Variants in RIC1 observed in about 807,000 individuals in gnomAD.
The protein encoded by RIC1 is guanine nucleotide exchange factor subunit RIC1.
In RIC1, 88 loss-of-function variants were observed where a neutral mutation model predicts 169.0. That is an observed-to-expected ratio of 0.52 (90% CI 0.44 to 0.62). The LOEUF (loss-of-function observed/expected upper bound fraction) is 0.62. Ranked by LOEUF, RIC1 falls within the 20% of genes least tolerant of loss-of-function variation. RIC1 has a pLI of 0.00. For missense variants in RIC1, 1,877 were observed against 1,725.5 expected, an observed-to-expected ratio of 1.09 and a Z score of -1.56; for synonymous variants, 790 against 601.5, an observed-to-expected ratio of 1.31 and a Z score of -4.59.
intron 3 of RIC1, among the ~76,000 whole-genome samples, chr9:5,699,386 A>G: frequency 6.6e-6 from 1 of 152,160 alleles, no homozygotes. Flanking sequence ...TTTGGCCCCA[A>G]GCTGCTGGGA....
At chr9:5,730,781 A>G (rs573716702) in intron 6 of RIC1, among the ~76,000 whole-genome samples, 2 of 152,254 alleles carry the variant, frequency 1.3e-5, no homozygotes, top group East Asian at 3.9e-4. Flanking sequence ...AAGTTTAAAA[A>G]ATTTGAATAT....
intron 1 of RIC1, among the ~76,000 whole-genome samples, chr9:5,632,354 T>C (rs905091822): frequency 1.3e-5 from 2 of 152,228 alleles, no homozygotes; most frequent in African/African-American, 4.8e-5. Context: ...TCTCTAACTG[T>C]ACATTATATG....
Position 5,731,140 on chromosome 9 carries a change from T to G in RIC1, c.721-1248T>G, listed in dbSNP as rs916300393. Among the ~76,000 whole-genome samples, 7 of 152,172 alleles carry G rather than the reference T, an allele frequency of 4.6e-5. No homozygotes were observed. The East Asian group carries it at 5.8e-4, about 13-fold the overall frequency. On this transcript the variant is annotated intron_variant, in intron 6 of 25. Transcript: ENST00000414202. ...TAACCTCCAGTATTCAATATACTTT[T>G]TTAACTTGTCTGTCTCTTGACTCAA... is the stretch of plus-strand genomic sequence containing the variant.
chr9:5,705,489 G>A (rs2381368), intron 3 of RIC1, among the ~76,000 whole-genome samples: 41,353 of 151,964 alleles, frequency 0.27, 6,793 homozygotes, highest in East Asian at 0.61. Flanking sequence ...TGTTGATCAT[G>A]TACTACAGCT....
chr9:5,686,544 G>A (rs900279966), intron 2 of RIC1, among the ~76,000 whole-genome samples: 7 of 147,918 alleles, frequency 4.7e-5, no homozygotes, highest in South Asian at 2.1e-4. Context: ...ACCAAACACC[G>A]CATATTCTCA....
At chr9:5,727,294 T>A (rs1587038710) in intron 6 of RIC1, among the ~76,000 whole-genome samples, 1 of 152,218 alleles carries the variant, frequency 6.6e-6, no homozygotes, top group East Asian at 1.9e-4. Flanking sequence ...TCTCACTTCA[T>A]TTCATTCATT....
At chr9:5,748,496 C>T (rs766798762) in intron 12 of RIC1, 1 of 152,600 alleles carries the variant, frequency 6.6e-6, no homozygotes, top group Non-Finnish European at 1.5e-5. Flanking sequence ...AATGTACATA[C>T]CATTTTATAA....
At position 5,682,527 on chromosome 9, in the gene RIC1, G is replaced by T. The variant is rs184047930; in HGVS notation, c.253-7432G>T. ...CTTGTCGAGTTTCTGCCAAGAGATC[G>T]GCTGTTAGTCTGATGGGCTTCTCTT... On this transcript the variant is annotated intron_variant, in intron 2 of 25. Coordinates refer to ENST00000414202, the MANE Select transcript of RIC1 (RefSeq NM_020829.4). 7.2e-5 allele frequency among the ~76,000 whole-genome samples: 11 copies of T among 152,070 alleles called. 1 individual carries two copies. The Middle Eastern group carries it at 0.01, about 141-fold the overall frequency.
In RIC1 at chr9:5,630,207, C is replaced by G. The variant is rs555798271; in HGVS notation, c.144+754C>G. The stretch of plus-strand genomic sequence containing the variant: ...TTAAGTCCTGGTTATCTTTTTCTTT[C>G]TTGTATTGAATTACTGAGTAGATAT... On this transcript the variant is annotated intron_variant, in intron 1 of 25. Transcript: ENST00000414202. Among the ~76,000 whole-genome samples, 14 of 152,250 alleles carry G rather than the reference C, an allele frequency of 9.2e-5. No homozygotes were observed. In the South Asian group the frequency reaches 2.9e-3, roughly 32 times the overall value.
intron 1 of RIC1, among the ~76,000 whole-genome samples, chr9:5,648,282 C>A (rs907085843): frequency 3.3e-5 from 5 of 152,092 alleles, no homozygotes; most frequent in African/African-American, 9.7e-5. Flanking sequence ...TCATGCCTAG[C>A]CAGGTATAGG....
intron 2 of RIC1, among the ~76,000 whole-genome samples, chr9:5,674,249 T>C (rs1474386142): frequency 6.6e-6 from 1 of 152,074 alleles, no homozygotes; most frequent in Non-Finnish European, 1.5e-5. Flanking sequence ...CATGGAGAAA[T>C]TTGTCATTCA....
intron 10 of RIC1, among the ~76,000 whole-genome samples, chr9:5,744,917 C>G (rs1587092263): frequency 6.6e-6 from 1 of 152,178 alleles, no homozygotes; most frequent in African/African-American, 2.4e-5. Flanking sequence ...CTTCTCTTCT[C>G]TCTTGCTCCA....
At chr9:5,764,293 G>A (rs1349580198) in intron 19 of RIC1, among the ~76,000 whole-genome samples, 1 of 152,140 alleles carries the variant, frequency 6.6e-6, no homozygotes, top group Non-Finnish European at 1.5e-5. Flanking sequence ...CTTTCAGTGT[G>A]GGTTACTGAG....
At chr9:5,634,118 C>G (rs1817857429) in intron 1 of RIC1, among the ~76,000 whole-genome samples, 1 of 152,032 alleles carries the variant, frequency 6.6e-6, no homozygotes, top group Non-Finnish European at 1.5e-5. Context: ...GTTACATTTT[C>G]TTTATCCATT....
At chr9:5,693,695 G>A (rs1250745566) in intron 3 of RIC1, among the ~76,000 whole-genome samples, 2 of 152,086 alleles carry the variant, frequency 1.3e-5, no homozygotes, top group Admixed American at 1.3e-4. Flanking sequence ...TTTAAAATGT[G>A]TTCATATGCT....
chr9:5,679,606 T>G (rs1279528683), intron 2 of RIC1, among the ~76,000 whole-genome samples: 3 of 152,110 alleles, frequency 2.0e-5, no homozygotes, highest in Non-Finnish European at 4.4e-5. Context: ...GAAGCAATTG[T>G]GAATGGGAGT....
At chr9:5,636,191 A>T (rs977016231) in intron 1 of RIC1, among the ~76,000 whole-genome samples, 1 of 152,224 alleles carries the variant, frequency 6.6e-6, no homozygotes, top group Admixed American at 6.5e-5. Context: ...CATGAACATA[A>T]GATATCCAGC....
chr9:5,712,628 C>G (rs542438613), intron 3 of RIC1, among the ~76,000 whole-genome samples: 1 of 152,116 alleles, frequency 6.6e-6, no homozygotes, highest in African/African-American at 2.4e-5. Context: ...CTTTCTAGCC[C>G]TATTTGAATT....
Position 5,745,912 on chromosome 9 carries a change from CCCT to C in RIC1, c.1096-14_1096-12del, listed in dbSNP as rs762031930. On this transcript the variant is annotated splice_polypyrimidine_tract_variant and intron_variant, in intron 10 of 25. Transcript: ENST00000414202. ...CTTTTATTGCTCTGACTTTTTTTCT[CCCT>C]CCTCTTCTCTCTAAGAGCTGGGGTG... 6.3e-7 allele frequency: 1 copy of C among 1,590,080 alleles called. No individual in the cohort carries two copies. The highest frequency in any genetic ancestry group is 1.1e-5 in the South Asian group (1 of 88,376).
Sources: gnomAD v4.1 joint callset for allele counts (sites outside exome capture counted in the v4.1 genomes callset) on GRCh38, gnomAD v4.1.1 for gene constraint, MANE v1.5 for transcripts, NCBI Gene and HGNC (gene_info 2026-07-23, HGNC 2026-07-21) for gene names.